The following NAV2 variants were observed in gnomAD, a reference collection of about 807,000 sequenced individuals.
NAV2 encodes neuron navigator 2, also known as helicase, APC down-regulated 1.
Under a neutral mutation model 223.2 loss-of-function variants are expected in NAV2, and 54 were observed. The ratio of observed to expected loss-of-function variants is 0.24; its 90% confidence interval spans 0.19 to 0.30. The LOEUF is 0.30. Ranked by LOEUF, NAV2 falls within the 10% of genes least tolerant of loss-of-function variation. The probability of loss-of-function intolerance (pLI) is 1.00; values close to 1 mark genes in which losing one functional copy is unlikely to be tolerated. For synonymous variants in NAV2, 1,279 were observed against 1,239.3 expected, an observed-to-expected ratio of 1.03 and a Z score of -0.67; for missense variants, 2,806 against 3,147.5, an observed-to-expected ratio of 0.89 and a Z score of 2.60.
At chr11:19,407,960 C>T (rs1224201904) in intron 1 of NAV2, among the ~76,000 whole-genome samples, 1 of 152,140 alleles carries the variant, frequency 6.6e-6, no homozygotes, top group East Asian at 1.9e-4. Flanking sequence ...CAGGAGCCCC[C>T]CAAGATGCGT....
intron 5 of NAV2, among the ~76,000 whole-genome samples, chr11:19,889,557 C>G (rs542862096): frequency 1.3e-5 from 2 of 152,316 alleles, no homozygotes; most frequent in South Asian, 2.1e-4. Context: ...TTGCCATGTC[C>G]ACTATCCTCA....
At chr11:19,924,824 A>G (rs1418276410) in intron 6 of NAV2, among the ~76,000 whole-genome samples, 1 of 152,184 alleles carries the variant, frequency 6.6e-6, no homozygotes, top group Non-Finnish European at 1.5e-5. Context: ...TCTGGTGTGG[A>G]TAATAGTTTT....
chr11:19,653,332 A>C (rs1232108258), intron 1 of NAV2, among the ~76,000 whole-genome samples: 1 of 152,214 alleles, frequency 6.6e-6, no homozygotes, highest in Non-Finnish European at 1.5e-5. Flanking sequence ...AGTGAAAGTA[A>C]AAAAGTACTG....
chr11:20,016,731 C>T (rs1760156510), intron 11 of NAV2, among the ~76,000 whole-genome samples: 1 of 151,994 alleles, frequency 6.6e-6, no homozygotes, highest in Non-Finnish European at 1.5e-5. Context: ...TGCAGTGACT[C>T]ACGCCTGTAA....
intron 1 of NAV2, among the ~76,000 whole-genome samples, chr11:19,829,770 C>G (rs2059828477): frequency 6.6e-6 from 1 of 152,198 alleles, no homozygotes; most frequent in Non-Finnish European, 1.5e-5. Context: ...TCAGGACAGG[C>G]ACTTCCATAT....
intron 5 of NAV2, among the ~76,000 whole-genome samples, chr11:19,885,109 C>T (rs575402896): frequency 3.3e-5 from 5 of 152,312 alleles, no homozygotes; most frequent in Admixed American, 3.3e-4. Flanking sequence ...AAGGTATCAA[C>T]AGCTAACATT....
At chr11:19,456,772 C>A (rs1284868036) in intron 1 of NAV2, among the ~76,000 whole-genome samples, 1 of 152,192 alleles carries the variant, frequency 6.6e-6, no homozygotes, top group Non-Finnish European at 1.5e-5. Flanking sequence ...TGCTCTCTAC[C>A]CCATTCTCGC....
chr11:19,673,813 G>C (rs1020683321), intron 1 of NAV2, among the ~76,000 whole-genome samples: 9 of 152,172 alleles, frequency 5.9e-5, no homozygotes, highest in African/African-American at 1.9e-4. Flanking sequence ...GGGCTCAGGG[G>C]CAGGGTCCCA....
chr11:19,494,870 C>A (rs568211400), intron 1 of NAV2, among the ~76,000 whole-genome samples: 1 of 152,192 alleles, frequency 6.6e-6, no homozygotes, highest in Non-Finnish European at 1.5e-5. Context: ...GGGTTAGCCT[C>A]CAGCAGCTGA....
At chr11:19,886,441 C>T (rs2040984100) in intron 5 of NAV2, among the ~76,000 whole-genome samples, 1 of 152,196 alleles carries the variant, frequency 6.6e-6, no homozygotes, top group African/African-American at 2.4e-5. Context: ...CCAAGTTTGT[C>T]ACCGCTTCTG....
intron 1 of NAV2, among the ~76,000 whole-genome samples, chr11:19,546,159 G>A (rs1024258440): frequency 1.3e-5 from 2 of 152,208 alleles, no homozygotes; most frequent in African/African-American, 4.8e-5. Context: ...TAGGAGACAA[G>A]TATGTAGATA....
At chr11:19,800,009 A>G (rs953090346) in intron 1 of NAV2, among the ~76,000 whole-genome samples, 2 of 152,194 alleles carry the variant, frequency 1.3e-5, no homozygotes, top group African/African-American at 4.8e-5. Flanking sequence ...TTGAATAGGA[A>G]AATGCATCTT....
chr11:19,498,392 T>A (rs963351901), intron 1 of NAV2, among the ~76,000 whole-genome samples: 1 of 152,254 alleles, frequency 6.6e-6, no homozygotes, highest in Non-Finnish European at 1.5e-5. Context: ...CCAGGTCCCC[T>A]GAGGAATCTC....
intron 37 of NAV2, among the ~76,000 whole-genome samples, chr11:20,115,580 C>T (rs1336528475): frequency 3.2e-5 from 4 of 124,794 alleles, no homozygotes; most frequent in Admixed American, 1.1e-4. Context: ...TGCAGTGAGA[C>T]GAGATCGCGC....
At chr11:19,859,588 C>G (rs1443825893) in intron 3 of NAV2, among the ~76,000 whole-genome samples, 3 of 152,060 alleles carry the variant, frequency 2.0e-5, no homozygotes, top group African/African-American at 7.2e-5. Context: ...CTTTTCCCCA[C>G]CTTTCCCCCC....
intron 10 of NAV2, among the ~76,000 whole-genome samples, chr11:19,967,667 T>G (rs1219913567): frequency 6.6e-6 from 1 of 152,168 alleles, no homozygotes; most frequent in African/African-American, 2.4e-5. Flanking sequence ...ACATGAGCCC[T>G]GTCACTCCCT....
At chr11:19,692,410 G>A (rs961040143) in intron 1 of NAV2, among the ~76,000 whole-genome samples, 9 of 152,176 alleles carry the variant, frequency 5.9e-5, no homozygotes, top group Non-Finnish European at 1.2e-4. Flanking sequence ...GTAGCTTGAC[G>A]CTACCTAATG....
chr11:19,534,886 T>G (rs547679904), intron 1 of NAV2, among the ~76,000 whole-genome samples: 49 of 152,368 alleles, frequency 3.2e-4, no homozygotes, highest in African/African-American at 1.2e-3. Context: ...CTCTGCCACT[T>G]GTGCACTGCA....
At chr11:19,398,379 C>T (rs777342195) in intron 1 of NAV2, among the ~76,000 whole-genome samples, 1 of 152,160 alleles carries the variant, frequency 6.6e-6, no homozygotes, top group Non-Finnish European at 1.5e-5. Context: ...AATCACCTCC[C>T]ACCAGGCCCC....
Sources: allele counts gnomAD v4.1 joint callset (sites outside exome capture counted in the v4.1 genomes callset), GRCh38; gene constraint gnomAD v4.1.1; transcripts MANE v1.5; gene names NCBI Gene and HGNC (gene_info 2026-07-23, HGNC 2026-07-21).